The following NTRK2 variants were observed in gnomAD, a reference collection of about 807,000 sequenced individuals.
NTRK2 encodes the protein BDNF/NT-3 growth factors receptor.
NTRK2 carries 13 observed loss-of-function variants against 94.5 expected under a neutral mutation model. That is an observed-to-expected ratio of 0.14 (90% CI 0.09 to 0.22). The LOEUF (loss-of-function observed/expected upper bound fraction) is 0.22. NTRK2 is among the 10% of genes least tolerant of loss of function. The pLI is 1.00. For synonymous variants in NTRK2, 372 were observed against 407.4 expected (o/e 0.91, Z 1.05); for missense variants, 639 against 1,071.2 (o/e 0.60, Z 5.63).
At chr9:84,677,424 C>T (rs770599016) in intron 2 of NTRK2, among the ~76,000 whole-genome samples, 4 of 152,140 alleles carry the variant, frequency 2.6e-5, no homozygotes, top group South Asian at 2.1e-4. Flanking sequence ...GTGTTCTGCT[C>T]TGAGACCTTT....
intron 10 of NTRK2, among the ~76,000 whole-genome samples, chr9:84,743,397 T>TTA (rs1288019020): frequency 1.3e-5 from 2 of 152,240 alleles, no homozygotes; most frequent in Non-Finnish European, 2.9e-5. Flanking sequence ...TGTATGTTTA[T>TTA]TATATGCGTG....
chr9:84,952,429 G>A (rs1823582240), intron 16 of NTRK2, among the ~76,000 whole-genome samples: 1 of 152,228 alleles, frequency 6.6e-6, no homozygotes, highest in Non-Finnish European at 1.5e-5. Context: ...CCAGGGAGCT[G>A]ATGGTGCTTT....
chr9:84,867,462 A>G (rs757683519), intron 14 of NTRK2, 31 bp downstream of exon 14: 2 of 1,566,282 alleles, frequency 1.3e-6, no homozygotes, highest in East Asian at 2.2e-5. Context: ...TTATTGTCCC[A>G]TTTGCTGCAT....
chr9:84,873,865 GA>G (rs2075965219), intron 14 of NTRK2: 3 of 1,059,962 alleles, frequency 2.8e-6, no homozygotes, highest in South Asian at 9.1e-5. Flanking sequence ...TGTCTGAAAA[GA>G]AAAACAAAAA....
At chr9:84,894,752 G>A (rs1183790461) in intron 14 of NTRK2, among the ~76,000 whole-genome samples, 2 of 152,300 alleles carry the variant, frequency 1.3e-5, no homozygotes, top group South Asian at 2.1e-4. Flanking sequence ...CTAAACAACA[G>A]ATAACTATCA....
chr9:84,885,405 C>T (rs902338765), intron 14 of NTRK2, among the ~76,000 whole-genome samples: 1 of 152,126 alleles, frequency 6.6e-6, no homozygotes, highest in African/African-American at 2.4e-5. Context: ...ACAATTTCAG[C>T]GGGTCTTTAT....
intron 12 of NTRK2, among the ~76,000 whole-genome samples, chr9:84,836,276 T>C (rs528227717): frequency 3.9e-5 from 6 of 152,252 alleles, no homozygotes; most frequent in Non-Finnish European, 7.4e-5. Context: ...AGAGGGCAGC[T>C]CTTCCTATGA....
At position 84,805,855 on chromosome 9, in the gene NTRK2, C is replaced by T. The variant is rs548080562; in HGVS notation, c.1396+53770C>T. Among the ~76,000 whole-genome samples the T allele has an allele frequency of 1.4e-4, 21 of 152,330 alleles. 1 individual carries two copies. The South Asian group carries it at 3.9e-3, about 29-fold the overall frequency. The stretch of plus-strand genomic sequence containing the variant: ...AGACAGCTGTACTAGCACACTCAGC[C>T]TCCTGGGCATGTCATGCCCTGTACT... On this transcript the variant is annotated intron_variant, in intron 12 of 18. Transcript: ENST00000277120.
chr9:84,879,806 G>A (rs536567964), intron 14 of NTRK2, among the ~76,000 whole-genome samples: 1 of 152,236 alleles, frequency 6.6e-6, no homozygotes, highest in South Asian at 2.1e-4. Flanking sequence ...GGGTGATCAA[G>A]TATGCTGGGG....
chr9:84,873,535 T>C (rs561482908), intron 14 of NTRK2: 9 of 1,057,230 alleles, frequency 8.5e-6, no homozygotes, highest in Non-Finnish European at 1.0e-5. Context: ...CAATTTGATA[T>C]CATATTCCCT....
intron 2 of NTRK2, among the ~76,000 whole-genome samples, chr9:84,685,947 T>C (rs1229797671): frequency 6.6e-6 from 1 of 152,244 alleles, no homozygotes; most frequent in Non-Finnish European, 1.5e-5. Context: ...TTACTGCTCT[T>C]TCCTAGCATC....
At chr9:84,725,017 T>C (rs2062344506) in intron 8 of NTRK2, among the ~76,000 whole-genome samples, 1 of 152,226 alleles carries the variant, frequency 6.6e-6, no homozygotes, top group Non-Finnish European at 1.5e-5. Flanking sequence ...TTCCAAATTA[T>C]GGCTTTTAGC....
chr9:84,766,966 C>T (rs967336135), intron 12 of NTRK2, among the ~76,000 whole-genome samples: 2 of 152,114 alleles, frequency 1.3e-5, no homozygotes, highest in Admixed American at 6.6e-5. Flanking sequence ...TAGGTGTCTG[C>T]GGTTCCCCTG....
intron 2 of NTRK2, among the ~76,000 whole-genome samples, chr9:84,688,462 T>C (rs1484734015): frequency 6.6e-6 from 1 of 152,096 alleles, no homozygotes; most frequent in Non-Finnish European, 1.5e-5. Context: ...CTTCAGGGGC[T>C]CCATGTTCCC....
chr9:84,746,173 G>A (rs1252840079), intron 11 of NTRK2, among the ~76,000 whole-genome samples: 1 of 152,080 alleles, frequency 6.6e-6, no homozygotes, highest in Admixed American at 6.6e-5. Flanking sequence ...CTTCTAAGTG[G>A]TTTAAAACAA....
chr9:84,938,706 G>A (rs2078293394), intron 15 of NTRK2, among the ~76,000 whole-genome samples: 1 of 152,042 alleles, frequency 6.6e-6, no homozygotes, highest in Non-Finnish European at 1.5e-5. Flanking sequence ...GGGATGGATG[G>A]GTGGGTGCAT....
At chr9:84,685,166 T>A (rs917090239) in intron 2 of NTRK2, among the ~76,000 whole-genome samples, 23 of 152,110 alleles carry the variant, frequency 1.5e-4, no homozygotes, top group Admixed American at 3.3e-4. Context: ...TTTTATTATT[T>A]TTTTTTTCAG....
At chr9:84,971,470 C>T (rs377455539) in intron 17 of NTRK2, among the ~76,000 whole-genome samples, 1 of 152,286 alleles carries the variant, frequency 6.6e-6, no homozygotes. Context: ...CTGAGGAGGG[C>T]ATCTTTGAGC....
intron 9 of NTRK2, among the ~76,000 whole-genome samples, chr9:84,738,446 AC>A (rs1386298815): frequency 1.3e-5 from 2 of 152,320 alleles, no homozygotes; most frequent in East Asian, 3.9e-4. Flanking sequence ...TAGAAATTAG[AC>A]TTAAAAATGG....
Sources: gnomAD v4.1 joint callset for allele counts (sites outside exome capture counted in the v4.1 genomes callset) on GRCh38, gnomAD v4.1.1 for gene constraint, MANE v1.5 for transcripts, NCBI Gene and HGNC (gene_info 2026-07-23, HGNC 2026-07-21) for gene names.